Variants in BLTP1 observed in about 807,000 individuals in gnomAD.
BLTP1 encodes bridge-like lipid transfer protein family member 1, also known as fragile site-associated protein.
the BLTP1 span, chr4:122,315,762 T>C: frequency 7.4e-7 from 1 of 1,347,510 alleles, no homozygotes; most frequent in Non-Finnish European, 1.0e-6. Context: ...TGTTCAGTGT[T>C]ATTTAGTATA....
At chr4:122,260,105 A>G in the BLTP1 span, 1 of 171,386 alleles carries the variant, frequency 5.8e-6, no homozygotes, top group Middle Eastern at 2.9e-3. Flanking sequence ...ACAGCCTACT[A>G]CACACCTAGA....
chr4:122,350,085 G>A, the BLTP1 span: 1 of 1,610,840 alleles, frequency 6.2e-7, no homozygotes, highest in Non-Finnish European at 8.5e-7. Context: ...GTAAGAATTA[G>A]AAGTAAGCTT....
the BLTP1 span, chr4:122,224,715 T>G: frequency 6.2e-7 from 1 of 1,613,738 alleles, no homozygotes; most frequent in East Asian, 2.2e-5. Context: ...ACTTATTTTC[T>G]TTTTCCTTTC....
At chr4:122,235,427 C>T in the BLTP1 span, 1 of 969,968 alleles carries the variant, frequency 1.0e-6, no homozygotes, top group Non-Finnish European at 1.2e-6. Flanking sequence ...ACTGTTGGCC[C>T]CCATGTTACC....
At chr4:122,216,842 C>T in the BLTP1 span, among the ~76,000 whole-genome samples, 1 of 152,020 alleles carries the variant, frequency 6.6e-6, no homozygotes, top group African/African-American at 2.4e-5. Flanking sequence ...TTTGCCTAAG[C>T]CAATGTCTAG....
the BLTP1 span, chr4:122,354,097 G>A: frequency 8.1e-7 from 1 of 1,239,002 alleles, no homozygotes; most frequent in East Asian, 2.5e-5. Context: ...GAATTTAAAT[G>A]GAGATGGTGT....
the BLTP1 span, chr4:122,309,478 A>G: frequency 3.1e-6 from 5 of 1,609,612 alleles, no homozygotes; most frequent in Non-Finnish European, 4.2e-6. Context: ...AGTATCTTTT[A>G]TTTCTATATA....
the BLTP1 span, chr4:122,251,210 T>C: frequency 1.2e-6 from 1 of 818,572 alleles, no homozygotes; most frequent in Non-Finnish European, 1.5e-6. Context: ...TTGTGAAGAC[T>C]GAAGCAGGTA....
At chr4:122,157,161 T>A in the BLTP1 span, among the ~76,000 whole-genome samples, 2 of 152,232 alleles carry the variant, frequency 1.3e-5, no homozygotes, top group African/African-American at 4.8e-5. Context: ...TCTCATACTT[T>A]GTATTAGTAT....
chr4:122,154,419 T>C, the BLTP1 span: 3 of 985,070 alleles, frequency 3.0e-6, no homozygotes, highest in Non-Finnish European at 3.6e-6. Context: ...TTTACTTGAC[T>C]TTTGAGCTAT....
chr4:122,223,988 G>A, the BLTP1 span: 4 of 977,488 alleles, frequency 4.1e-6, no homozygotes, highest in Non-Finnish European at 4.9e-6. Context: ...CTTTTTAGTA[G>A]TGAGTATGAA....
chr4:122,168,474 A>G, the BLTP1 span, among the ~76,000 whole-genome samples: 1 of 152,190 alleles, frequency 6.6e-6, no homozygotes, highest in South Asian at 2.1e-4. Flanking sequence ...TAAGTATGAA[A>G]TTGATACATA....
the BLTP1 span, chr4:122,187,103 G>A: frequency 1.2e-4 from 118 of 983,808 alleles, no homozygotes; most frequent in Middle Eastern, 1.0e-3. Context: ...ATAAAATGTC[G>A]TATAGTAACA....
chr4:122,198,058 T>C, the BLTP1 span: 1 of 985,182 alleles, frequency 1.0e-6, no homozygotes, highest in African/African-American at 1.7e-5. Context: ...TTAGCTCTTG[T>C]TTCTTGGTTC....
At chr4:122,315,815 C>A in the BLTP1 span, 1 of 795,760 alleles carries the variant, frequency 1.3e-6, no homozygotes, top group Non-Finnish European at 2.0e-6. Flanking sequence ...AATGGTGGTT[C>A]ACTGTGTCTA....
chr4:122,257,075 C>T, the BLTP1 span: 1 of 195,734 alleles, frequency 5.1e-6, no homozygotes, highest in African/African-American at 2.4e-5. Context: ...CTGTAGTCTA[C>T]ATTATAATTG....
chr4:122,345,703 TAGAA>T, the BLTP1 span, among the ~76,000 whole-genome samples: 1 of 151,976 alleles, frequency 6.6e-6, no homozygotes, highest in Non-Finnish European at 1.5e-5. Flanking sequence ...AATGGTGTTT[TAGAA>T]AGAGAGTTGA....
the BLTP1 span, chr4:122,361,959 T>A: frequency 6.5e-7 from 1 of 1,538,718 alleles, no homozygotes; most frequent in East Asian, 2.3e-5. Context: ...CTTAGTGATG[T>A]TCTTTTCCTA....
the BLTP1 span, among the ~76,000 whole-genome samples, chr4:122,341,391 C>T: frequency 6.6e-6 from 1 of 152,130 alleles, no homozygotes; most frequent in African/African-American, 2.4e-5. Flanking sequence ...AATCTGTACT[C>T]TATTACTTTA....
Sources: gnomAD v4.1 joint callset for allele counts (sites outside exome capture counted in the v4.1 genomes callset) on GRCh38, gnomAD v4.1.1 for gene constraint, MANE v1.5 for transcripts, NCBI Gene and HGNC (gene_info 2026-07-23, HGNC 2026-07-21) for gene names.